KCP: variants seen among roughly 807,000 people sequenced by gnomAD.
The protein encoded by KCP is kielin cysteine rich BMP regulator.
Under a neutral mutation model 212.7 loss-of-function variants are expected in KCP, and 194 were observed. The ratio of observed to expected loss-of-function variants is 0.91; its 90% CI spans 0.81 to 1.03. The LOEUF is 1.03. Ranked by LOEUF, KCP falls within the 50% of genes least tolerant of loss-of-function variation. The pLI is 0.00. For synonymous variants in KCP, 833 were observed against 865.3 expected, an observed-to-expected ratio of 0.96 and a Z score of 0.65; for missense variants, 2,080 against 2,162.5, an observed-to-expected ratio of 0.96 and a Z score of 0.76.
intron 16 of KCP, among the ~76,000 whole-genome samples, chr7:128,892,249 G>A (rs1341910641): frequency 6.7e-6 from 1 of 149,040 alleles, no homozygotes; most frequent in Non-Finnish European, 1.5e-5. Context: ...GGGCCCTAGC[G>A]TGGTGGGGCG....
At chr7:128,896,104 AG>A (rs1794503485) in intron 8 of KCP, among the ~76,000 whole-genome samples, 1 of 152,072 alleles carries the variant, frequency 6.6e-6, no homozygotes, top group Admixed American at 6.6e-5. Context: ...CCCGACCCAA[AG>A]GCTAATTTTT....
At chr7:128,891,334 GACCCCTCCCACCCAGTGCCACCAGGTCCC>G in intron 18 of KCP, 56 bp from the exon 19 acceptor site, 2 of 1,546,836 alleles carry the variant, frequency 1.3e-6, no homozygotes, top group South Asian at 2.4e-5. Flanking sequence ...AGGCCGAGGA[GACCCCTCCCACCCAGTGCCACCAGGTCCC>G]ACCCCTCCCA....
chr7:128,882,041 C>T (rs769027384), intron 29 of KCP, 25 bp from the exon 30 acceptor site: 65 of 1,530,866 alleles, frequency 4.2e-5, no homozygotes, highest in South Asian at 4.8e-5. Context: ...ATCCAGAGTG[C>T]GGGACAGAAA....
At chr7:128,900,219 T>G (rs1424347338) in intron 8 of KCP, among the ~76,000 whole-genome samples, 1 of 152,196 alleles carries the variant, frequency 6.6e-6, no homozygotes, top group East Asian at 1.9e-4. Context: ...ATAAAGCAAG[T>G]CAGTGTTACC....
rs541959905 is a variant in KCP, at chr7:128,887,163, G to A, written c.2598+52C>T. The A allele has an allele frequency of 4.5e-4, 662 of 1,458,368 alleles. 1 individual carries two copies. The highest frequency in any genetic ancestry group is 5.9e-4 in the Non-Finnish European group (628 of 1,062,050). 90.3% of individuals were successfully genotyped at this position (1,458,368 alleles called of 1,614,324 possible). ...AGGAGACAGCCTCTTCCTGGCCAGA[G>A]AGGAGTATCAAGGGAGGAAAGGTTA... On this transcript the variant is annotated intron_variant, in intron 23 of 39. Transcript: ENST00000610776.
chr7:128,909,027 G>A (rs1434253783), intron 1 of KCP, among the ~76,000 whole-genome samples: 3 of 152,214 alleles, frequency 2.0e-5, no homozygotes, highest in Non-Finnish European at 4.4e-5. Flanking sequence ...TGTGAGAAAT[G>A]TGCTGGCAAG....
chr7:128,898,511 C>T (rs1225184689), intron 8 of KCP, among the ~76,000 whole-genome samples: 2 of 152,226 alleles, frequency 1.3e-5, no homozygotes, highest in Admixed American at 6.5e-5. Context: ...ACACCTAGTA[C>T]ATAGTTAAAA....
At chr7:128,905,620 CAGGTGAATATTCCT>C (rs1471311803) in intron 5 of KCP, among the ~76,000 whole-genome samples, 1 of 152,208 alleles carries the variant, frequency 6.6e-6, no homozygotes, top group Non-Finnish European at 1.5e-5. Context: ...TAGCCCTCAC[CAGGTGAATATTCCT>C]CAAGCGCCCC....
intron 32 of KCP, 55 bp downstream of exon 32, chr7:128,880,939 ACTC>A (rs1793292931): frequency 2.5e-6 from 1 of 397,642 alleles, no homozygotes; most frequent in Non-Finnish European, 4.4e-6. Context: ...AGTGTTGGAC[ACTC>A]CTCCCTTTAT....
intron 11 of KCP, 65 bp downstream of exon 11, chr7:128,893,741 C>T (rs1794333187): frequency 2.0e-6 from 3 of 1,491,572 alleles, no homozygotes; most frequent in Non-Finnish European, 2.7e-6. Flanking sequence ...AGCAAATCCC[C>T]CACACCTACA....
chr7:128,886,346 G>C, intron 26 of KCP, 118 bp downstream of exon 26: 1 of 808,488 alleles, frequency 1.2e-6, no homozygotes, highest in Non-Finnish European at 1.9e-6. Context: ...GTATGCAAGG[G>C]CCAGTTGTTG....
intron 29 of KCP, among the ~76,000 whole-genome samples, chr7:128,883,433 C>T (rs1393557522): frequency 3.3e-5 from 5 of 152,072 alleles, no homozygotes; most frequent in Admixed American, 2.6e-4. Context: ...CTACCAACCT[C>T]GGCCTGTTTT....
chr7:128,894,048 G>A lies in KCP; in HGVS notation c.933C>T (p.Phe311=). Residue 311 remains phenylalanine (F), a synonymous_variant, in exon 10 of 40, where the codon TTC becomes TTT. Transcript: ENST00000610776. ...GTCCPVCDGC[F]LNGREHRSGE... ...CGCTGCGGTGCTCCCGCCCGTTTAGGAAACAGCCTGTTGGGAAGGGGGGCC... is the reference window on the plus strand; with the variant it reads ...CGCTGCGGTGCTCCCGCCCGTTTAGAAAACAGCCTGTTGGGAAGGGGGGCC... 1.3e-6 allele frequency: 2 copies of A among 1,549,642 alleles called. No homozygotes were observed. Among genetic ancestry groups the A allele is most frequent in the Non-Finnish European group, 1.7e-6 (2 of 1,146,164 alleles).
chr7:128,899,358 G>A (rs916369829), intron 8 of KCP, among the ~76,000 whole-genome samples: 5 of 152,150 alleles, frequency 3.3e-5, no homozygotes, highest in African/African-American at 1.2e-4. Flanking sequence ...TTAAAAGGTG[G>A]TTTTATAACC....
chr7:128,889,078 G>C (rs1793923492), intron 21 of KCP, 39 bp from the exon 22 acceptor site: 1 of 1,440,594 alleles, frequency 6.9e-7, no homozygotes. Flanking sequence ...GGGAGGGACA[G>C]AAAGGGATGA....
In KCP at chr7:128,907,193, T is replaced by A; in HGVS notation, c.410-16A>T. ...TGGCTGCAGCCTAAGGAGACAGCAG[T>A]GTCACTCAAGCACCCCATGCCATCT... On this transcript the variant is annotated splice_polypyrimidine_tract_variant and intron_variant, in intron 3 of 39. Transcript: ENST00000610776. 1 of 1,549,630 alleles carries A rather than the reference T, an allele frequency of 6.5e-7. No homozygotes were observed. The highest frequency in any genetic ancestry group is 8.7e-7 in the Non-Finnish European group (1 of 1,145,444).
At chr7:128,905,308 A>C (rs976324999) in intron 5 of KCP, among the ~76,000 whole-genome samples, 2 of 152,182 alleles carry the variant, frequency 1.3e-5, no homozygotes, top group African/African-American at 4.8e-5. Context: ...CCGTTTATTG[A>C]AATTAAGATT....
chr7:128,877,969 C>T (rs1023471595), intron 38 of KCP, among the ~76,000 whole-genome samples, 179 bp from the exon 39 acceptor site: 6 of 152,098 alleles, frequency 3.9e-5, no homozygotes, highest in African/African-American at 1.4e-4. Flanking sequence ...AAGGACAGAC[C>T]AAGGCCAGAG....
intron 29 of KCP, among the ~76,000 whole-genome samples, chr7:128,882,842 C>A (rs928609995): frequency 6.6e-6 from 1 of 152,288 alleles, no homozygotes; most frequent in South Asian, 2.1e-4. Context: ...GAGGCTGAGG[C>A]GGGTGGATCA....
Sources: gnomAD v4.1 joint callset for allele counts (sites outside exome capture counted in the v4.1 genomes callset) on GRCh38, gnomAD v4.1.1 for gene constraint, MANE v1.5 for transcripts, NCBI Gene and HGNC (gene_info 2026-07-23, HGNC 2026-07-21) for gene names.